Variants in ENOX2 observed in about 807,000 individuals in gnomAD.
ENOX2 encodes ecto-NOX disulfide-thiol exchanger 2.
Under a neutral mutation model 45.0 loss-of-function variants are expected in ENOX2, and 36 were observed. That is an observed-to-expected ratio of 0.80 (90% CI 0.61 to 1.06). ENOX2 has a LOEUF of 1.06. Among genes scored for constraint, ENOX2 ranks in the 50% least tolerant of loss-of-function variants. The pLI, the probability that ENOX2 is intolerant of heterozygous loss-of-function variation, is 0.00. For missense variants in ENOX2, 423 were observed against 462.5 expected (o/e 0.91, Z 0.78); for synonymous variants, 174 against 152.3 (o/e 1.14, Z -1.05).
intron 3 of ENOX2, among the ~76,000 whole-genome samples, chrX:130,706,044 TA>T (rs1273364574): frequency 8.9e-6 from 1 of 112,314 alleles, no homozygotes; most frequent in African/African-American, 3.2e-5. Flanking sequence ...TCATTGGAAT[TA>T]ATTACTTCTT....
chrX:130,714,149 C>G (rs907787841), intron 3 of ENOX2, among the ~76,000 whole-genome samples: 2 of 111,874 alleles, frequency 1.8e-5, no homozygotes, highest in Non-Finnish European at 3.8e-5. Flanking sequence ...TGGGGCTAAT[C>G]CACAAGCCGT....
At chrX:130,721,076 A>C (rs1254704892) in intron 3 of ENOX2, among the ~76,000 whole-genome samples, 1 of 111,898 alleles carries the variant, frequency 8.9e-6, no homozygotes, top group Non-Finnish European at 1.9e-5. Context: ...ATGTCGTTAA[A>C]GGGAACCAGG....
At chrX:130,836,866 T>C (rs1001210062) in intron 2 of ENOX2, among the ~76,000 whole-genome samples, 10 of 112,110 alleles carry the variant, frequency 8.9e-5, no homozygotes, top group Non-Finnish European at 1.5e-4. Context: ...TAGCTTTATC[T>C]GTGGGTTATT....
intron 3 of ENOX2, among the ~76,000 whole-genome samples, chrX:130,722,788 G>T (rs1273532881): frequency 8.9e-6 from 1 of 112,190 alleles, no homozygotes; most frequent in Non-Finnish European, 1.9e-5. Context: ...TGCATATCTG[G>T]AATTACCAGT....
intron 3 of ENOX2, among the ~76,000 whole-genome samples, chrX:130,710,750 C>T (rs764364497): frequency 2.0e-4 from 22 of 111,717 alleles, no homozygotes; most frequent in Middle Eastern, 4.6e-3. Context: ...CTTATGCTAT[C>T]GTGCAACTAA....
At chrX:130,812,744 A>G (rs1435762944) in intron 2 of ENOX2, among the ~76,000 whole-genome samples, 5 of 112,268 alleles carry the variant, frequency 4.5e-5, no homozygotes, top group Non-Finnish European at 9.4e-5. Flanking sequence ...GGCAATCTAC[A>G]GAGTAAATGC....
intron 3 of ENOX2, among the ~76,000 whole-genome samples, chrX:130,733,787 G>C (rs930243682): frequency 2.7e-5 from 3 of 111,955 alleles, no homozygotes; most frequent in Non-Finnish European, 5.6e-5. Context: ...GAAGGCAGGA[G>C]GGAGGTGGGC....
intron 3 of ENOX2, among the ~76,000 whole-genome samples, chrX:130,743,205 T>A (rs1271101377): frequency 2.7e-5 from 3 of 111,745 alleles, no homozygotes; most frequent in Non-Finnish European, 5.6e-5. Flanking sequence ...AAATATGACT[T>A]CACTATAGTT....
chrX:130,860,176 C>T (rs904271106), intron 2 of ENOX2, among the ~76,000 whole-genome samples: 2 of 111,034 alleles, frequency 1.8e-5, no homozygotes, highest in Non-Finnish European at 3.8e-5. Flanking sequence ...AGGCTGCTCT[C>T]GAACTCCTGA....
At chrX:130,784,302 T>C (rs868671044) in intron 2 of ENOX2, among the ~76,000 whole-genome samples, 3 of 111,441 alleles carry the variant, frequency 2.7e-5, no homozygotes, top group Non-Finnish European at 3.8e-5. Context: ...ATTAGAAGCA[T>C]GGTCACTTTA....
At chrX:130,738,340 G>A (rs1265516438) in intron 3 of ENOX2, among the ~76,000 whole-genome samples, 5 of 112,120 alleles carry the variant, frequency 4.5e-5, no homozygotes, top group Non-Finnish European at 7.5e-5. Context: ...CCATTTTAGA[G>A]AAACAACACT....
intron 2 of ENOX2, among the ~76,000 whole-genome samples, chrX:130,818,432 T>A (rs1225558320): frequency 9.0e-6 from 1 of 111,467 alleles, no homozygotes; most frequent in African/African-American, 3.3e-5. Flanking sequence ...AAAGAGCCCA[T>A]ATAGCCAAGA....
At chrX:130,708,552 T>C (rs1731063358) in intron 3 of ENOX2, among the ~76,000 whole-genome samples, 3 of 112,253 alleles carry the variant, frequency 2.7e-5, no homozygotes. Flanking sequence ...ACTGAAGACA[T>C]TGCTATCATA....
chrX:130,882,502 A>G (rs2078834877), intron 2 of ENOX2, among the ~76,000 whole-genome samples: 1 of 111,297 alleles, frequency 9.0e-6, no homozygotes, highest in Admixed American at 9.6e-5. Flanking sequence ...GCATGGAAGA[A>G]AAATTACACT....
chrX:130,829,028 A>G (rs1358771127), intron 2 of ENOX2, among the ~76,000 whole-genome samples: 1 of 111,855 alleles, frequency 8.9e-6, no homozygotes, highest in Non-Finnish European at 1.9e-5. Context: ...ACATATAACA[A>G]ATGTGCACTT....
In ENOX2 at chrX:130,631,649, C is replaced by T. The variant is rs776687471; in HGVS notation, c.1420-73G>A. ...GAGTTGGTTTCAATTAACTACACAA[C>T]AGGTAACTTAACACAGGACCATAAA... On this transcript the variant is annotated intron_variant, in intron 12 of 14. Transcript: ENST00000394363. 5.4e-6 allele frequency: 3 copies of T among 560,297 alleles called. No homozygotes were observed. In the African/African-American group the frequency reaches 6.7e-5, roughly 13 times the overall value. The allele number at this position is 560,297 out of a possible 1,213,427, so 46.2% of individuals were successfully genotyped here.
chrX:130,834,074 A>C (rs1205751267), intron 2 of ENOX2, among the ~76,000 whole-genome samples: 2 of 111,881 alleles, frequency 1.8e-5, no homozygotes, highest in African/African-American at 6.5e-5. Flanking sequence ...TAACCACATT[A>C]CTTAGTACTA....
intron 2 of ENOX2, among the ~76,000 whole-genome samples, chrX:130,791,187 T>C (rs2077036660): frequency 9.0e-6 from 1 of 111,601 alleles, no homozygotes; most frequent in Non-Finnish European, 1.9e-5. Flanking sequence ...ATACTTTTCC[T>C]GAGCCTTTTA....
chrX:130,721,208 A>G (rs968044576), intron 3 of ENOX2, among the ~76,000 whole-genome samples: 1 of 111,718 alleles, frequency 9.0e-6, no homozygotes, highest in African/African-American at 3.3e-5. Flanking sequence ...GCATGTCCCT[A>G]TATACATCTA....
Sources: allele counts gnomAD v4.1 joint callset (sites outside exome capture counted in the v4.1 genomes callset), GRCh38; gene constraint gnomAD v4.1.1; transcripts MANE v1.5; gene names NCBI Gene and HGNC (gene_info 2026-07-23, HGNC 2026-07-21).